The following TBC1D9 variants were observed in gnomAD, a reference collection of about 807,000 sequenced individuals.
TBC1D9 encodes TBC1 domain family member 9.
Under a neutral mutation model 132.0 loss-of-function variants are expected in TBC1D9, and 63 were observed. The observed-to-expected ratio is 0.48, with a 90% confidence interval of 0.39 to 0.59. The LOEUF (loss-of-function observed/expected upper bound fraction) is 0.59. Among genes scored for constraint, TBC1D9 ranks in the 20% least tolerant of loss-of-function variants. The pLI is 0.00. For missense variants in TBC1D9, 1,261 were observed against 1,592.7 expected, an observed-to-expected ratio of 0.79 and a Z score of 3.54; for synonymous variants, 610 against 609.9, an observed-to-expected ratio of 1.00 and a Z score of 0.00.
chr4:140,666,460 C>G (rs112568900), intron 9 of TBC1D9, among the ~76,000 whole-genome samples: 3 of 152,108 alleles, frequency 2.0e-5, no homozygotes, highest in Admixed American at 6.5e-5. Context: ...CTCAGCCTCC[C>G]GAGTAGCTGG....
In TBC1D9 at chr4:140,755,994, C is replaced by T. The variant is rs1371790258; in HGVS notation, c.52G>A (p.Glu18Lys). ...AGGATGAAGTATGGGTTGGCCCTCT[C>T]GGTGATCCACAGCGCGTTGGCCAGC... is the stretch of plus-strand genomic sequence containing the variant. ...VLLANALWIT[E>K]RANPYFILQR... Residue 18 changes from glutamate (E) to lysine (K), a missense_variant, in exon 1 of 21, where the codon GAG becomes AAG. Glu to Lys is a moderately conservative substitution (Grantham distance 56). Coordinates refer to ENST00000442267, the MANE Select transcript of TBC1D9 (RefSeq NM_015130.3). 6.2e-7 allele frequency: 1 copy of T among 1,609,344 alleles called. No individual in the cohort carries two copies.
At chr4:140,654,682 G>T (rs968369412) in intron 13 of TBC1D9, among the ~76,000 whole-genome samples, 1 of 152,110 alleles carries the variant, frequency 6.6e-6, no homozygotes, top group Non-Finnish European at 1.5e-5. Context: ...TTTTTTAAAT[G>T]CATATGGAAA....
Position 140,662,054 on chromosome 4 carries a change from T to C in TBC1D9, c.1642A>G (p.Lys548Glu). 6.2e-7 allele frequency: 1 copy of C among 1,613,942 alleles called. No homozygotes were observed. Among genetic ancestry groups the C allele is most frequent in the Non-Finnish European group, 8.5e-7 (1 of 1,179,866 alleles). Residue 548 changes from lysine to glutamate, a missense_variant, in exon 10 of 21, where the codon AAG becomes GAG. Around this residue, in one of 3 missense-constraint regions of TBC1D9, gnomAD observed 550 missense variants for 699.0 expected, o/e 0.79. Transcript: ENST00000442267. Reference protein sequence around the residue: ...HPGYYEDLVEKSMGKYNLATE... With the variant: ...HPGYYEDLVEESMGKYNLATE... ...GCGAGATTATACTTCCCCATGGACTTCTCCACTAGGTCTTCATAGTACCCA... is the reference window on the plus strand; with the variant it reads ...GCGAGATTATACTTCCCCATGGACTCCTCCACTAGGTCTTCATAGTACCCA...
chr4:140,652,113 C>A (rs1169950534), intron 13 of TBC1D9, among the ~76,000 whole-genome samples: 1 of 151,920 alleles, frequency 6.6e-6, no homozygotes, highest in Non-Finnish European at 1.5e-5. Context: ...TGGTGGTGCA[C>A]GCCTGTAGTT....
chr4:140,714,128 C>T (rs1196211062), intron 1 of TBC1D9, among the ~76,000 whole-genome samples: 2 of 152,182 alleles, frequency 1.3e-5, no homozygotes, highest in Non-Finnish European at 2.9e-5. Context: ...TTAGTGCAAA[C>T]ACACAAGGCT....
Position 140,644,975 on chromosome 4 carries a change from G to A in TBC1D9, c.2338-5547C>T, listed in dbSNP as rs565142539. 1.5e-5 allele frequency: 7 copies of A among 458,462 alleles called. No individual in the cohort carries two copies. The East Asian group carries it at 2.4e-4, about 16-fold the overall frequency. 28.4% of individuals were successfully genotyped at this position (458,462 alleles called of 1,614,324 possible). ...GAGGTCCCAAGCCCCAGGGGTGTCC[G>A]GCAAGCCACATGGACATGCTGCCCG... On this transcript the variant is annotated intron_variant, in intron 13 of 20. Transcript: ENST00000442267.
At chr4:140,717,608 T>C (rs2046625) in intron 1 of TBC1D9, among the ~76,000 whole-genome samples, 63,283 of 152,098 alleles carry the variant, frequency 0.42, 14,631 homozygotes, top group African/African-American at 0.62. Context: ...ACTAGGCATC[T>C]CATCTCAGAA....
At chr4:140,743,438 A>G (rs1738790362) in intron 1 of TBC1D9, among the ~76,000 whole-genome samples, 1 of 152,212 alleles carries the variant, frequency 6.6e-6, no homozygotes, top group African/African-American at 2.4e-5. Context: ...TTAAGCTCAG[A>G]GAGGAAGAGA....
At chr4:140,670,575 T>G in intron 7 of TBC1D9, 145 bp downstream of exon 7, 13 of 639,690 alleles carry the variant, frequency 2.0e-5, no homozygotes, top group Non-Finnish European at 3.0e-5. Flanking sequence ...ACAAAGTCCT[T>G]GAGATTTAAA....
intron 1 of TBC1D9, among the ~76,000 whole-genome samples, chr4:140,743,377 T>C (rs1336081795): frequency 6.6e-6 from 1 of 152,216 alleles, no homozygotes; most frequent in African/African-American, 2.4e-5. Flanking sequence ...TATCTCAGAT[T>C]CTTCATAACG....
At chr4:140,649,229 C>A (rs752644117) in intron 13 of TBC1D9, among the ~76,000 whole-genome samples, 1 of 152,202 alleles carries the variant, frequency 6.6e-6, no homozygotes, top group Non-Finnish European at 1.5e-5. Context: ...ATGAGTCTGC[C>A]CACCACAGGG....
At chr4:140,639,463 T>A in intron 13 of TBC1D9, 35 bp from the exon 14 acceptor site, 1 of 1,451,236 alleles carries the variant, frequency 6.9e-7, no homozygotes, top group Non-Finnish European at 9.6e-7. Context: ...TCTGAAAAAA[T>A]CTCTTACAGC....
intron 1 of TBC1D9, among the ~76,000 whole-genome samples, chr4:140,745,475 C>A (rs1016720809): frequency 1.3e-5 from 2 of 152,208 alleles, no homozygotes; most frequent in Non-Finnish European, 2.9e-5. Context: ...TCCAACTCCT[C>A]TTCCTCAGCC....
chr4:140,691,671 T>C (rs750353805), intron 2 of TBC1D9, among the ~76,000 whole-genome samples: 5 of 152,224 alleles, frequency 3.3e-5, no homozygotes, highest in African/African-American at 4.8e-5. Context: ...CACTCTGCTG[T>C]GGCTAAAAAC....
intron 13 of TBC1D9, chr4:140,643,101 G>C (rs1737034020): frequency 7.2e-7 from 1 of 1,388,300 alleles, no homozygotes; most frequent in Non-Finnish European, 1.0e-6. Flanking sequence ...TCCCGTGGGA[G>C]CCGCAGGTTC....
rs1046468779 is a variant in TBC1D9 at position 140,650,828 on chromosome 4, C to T, written c.2337+6269G>A. ...GGGATTACAGGAGTGAGCCACCATG[C>T]CTGGCCTCTATTTTCTTTATATACA... On this transcript the variant is annotated intron_variant, in intron 13 of 20. Coordinates refer to ENST00000442267, the MANE Select transcript of TBC1D9 (RefSeq NM_015130.3). Among the ~76,000 whole-genome samples, 11 of 152,294 alleles carry T rather than the reference C, an allele frequency of 7.2e-5. No individual in the cohort carries two copies. The South Asian group carries it at 1.2e-3, about 17-fold the overall frequency.
intron 1 of TBC1D9, among the ~76,000 whole-genome samples, chr4:140,708,424 C>T (rs1023400312): frequency 6.6e-6 from 1 of 152,136 alleles, no homozygotes; most frequent in African/African-American, 2.4e-5. Context: ...TAAGTTAGAT[C>T]AAAAGCAGAA....
At chr4:140,714,286 C>A (rs745427280) in intron 1 of TBC1D9, among the ~76,000 whole-genome samples, 1 of 152,130 alleles carries the variant, frequency 6.6e-6, no homozygotes, top group African/African-American at 2.4e-5. Flanking sequence ...AGAACATGTA[C>A]CCATGGTGGC....
chr4:140,625,485 C>T (rs1736691245), intron 18 of TBC1D9, among the ~76,000 whole-genome samples: 1 of 152,146 alleles, frequency 6.6e-6, no homozygotes, highest in African/African-American at 2.4e-5. Flanking sequence ...AGCACTTCTT[C>T]AACCACCCAA....
Sources: allele counts gnomAD v4.1 joint callset (sites outside exome capture counted in the v4.1 genomes callset), GRCh38; gene constraint gnomAD v4.1.1; regional missense constraint gnomAD v4.1.1; transcripts MANE v1.5; gene names NCBI Gene and HGNC (gene_info 2026-07-23, HGNC 2026-07-21).